Variants in CHD4 observed in about 807,000 individuals in gnomAD.
The protein encoded by CHD4 is chromodomain helicase DNA binding protein 4.
A neutral mutation model predicts 235.5 loss-of-function variants in CHD4; 35 were observed. The observed-to-expected ratio is 0.15, with a 90% CI of 0.11 to 0.20. The LOEUF (loss-of-function observed/expected upper bound fraction) is 0.20, where lower values mean the gene tolerates loss of function less well. Among genes scored for constraint, CHD4 ranks in the 10% least tolerant of loss-of-function variants. The probability of loss-of-function intolerance (pLI) is 1.00; values close to 1 mark genes in which losing one functional copy is unlikely to be tolerated. For missense variants in CHD4, 1,329 were observed against 2,432.3 expected, an observed-to-expected ratio of 0.55 and a Z score of 9.54; for synonymous variants, 900 against 850.2, an observed-to-expected ratio of 1.06 and a Z score of -1.02.
chr12:6,584,935 C>T (rs1260518376), intron 25 of CHD4, among the ~76,000 whole-genome samples: 3 of 152,292 alleles, frequency 2.0e-5, no homozygotes, highest in East Asian at 3.9e-4. Flanking sequence ...GTACACAGAC[C>T]TATGTCAGAC....
rs1005655157 is a variant in CHD4, at chr12:6,607,322, C to A, written c.-101G>T. The A allele has an allele frequency of 2.0e-5, 3 of 151,990 alleles. No individual in the cohort carries two copies. Among genetic ancestry groups the A allele is most frequent in the African/African-American group, 7.3e-5 (3 of 41,340 alleles). 9.4% of individuals were successfully genotyped at this position (151,990 alleles called of 1,614,324 possible). ...CACCCCGGAGCCGCCGCAGGTCGCG[C>A]TGGGTCCGGCTCGGTGTCACTCCCG... is the stretch of plus-strand genomic sequence containing the variant. On this transcript the variant is annotated 5_prime_UTR_variant, in exon 1 of 40. Coordinates refer to ENST00000544040, the MANE Select transcript of CHD4 (RefSeq NM_001273.5).
intron 12 of CHD4, 44 bp downstream of exon 12, chr12:6,597,850 C>G: frequency 6.5e-7 from 1 of 1,546,986 alleles, no homozygotes; most frequent in Middle Eastern, 1.8e-4. Flanking sequence ...TTTAGCAGGA[C>G]TCTCCCACGG....
rs1478604948 is a variant in CHD4 at position 6,593,512 on chromosome 12, A to G, written c.2418T>C (p.Tyr806=). The G allele has an allele frequency of 1.1e-5, 17 of 1,613,992 alleles. No individual in the cohort carries two copies. The highest frequency in any genetic ancestry group is 1.4e-5 in the Non-Finnish European group (16 of 1,180,018). ...MWAPDMYVVT[Y]VGDKDSRAII... is the part of the protein sequence containing the mutation. ...TGGCACGGCTGTCCTTGTCACCCACATAGGTTACGACATACATGTCTGGAG... is the reference window on the plus strand; with the variant it reads ...TGGCACGGCTGTCCTTGTCACCCACGTAGGTTACGACATACATGTCTGGAG... The change falls in exon 16 of 40, where the codon TAT becomes TAC. Residue 806 remains tyrosine, a synonymous_variant. Transcript: ENST00000544040. This position sits in a 1 kb window ranked among gnomAD's most constrained non-coding sequence, Gnocchi z 4.9.
chr12:6,603,632 A>C (rs1948637196), intron 2 of CHD4, among the ~76,000 whole-genome samples: 1 of 151,938 alleles, frequency 6.6e-6, no homozygotes, highest in Non-Finnish European at 1.5e-5. Flanking sequence ...AATGCCACCT[A>C]CTCTGGGATG....
In CHD4 at chr12:6,578,435, A is replaced by T; in HGVS notation, c.5093T>A (p.Phe1698Tyr). The change falls in exon 35 of 40, where the codon TTT (phenylalanine) becomes TAT (tyrosine). Residue 1698 changes from phenylalanine to tyrosine, a missense_variant. Physicochemically the swap from Phe to Tyr is conservative, Grantham distance 22. Around this residue, in one of 26 missense-constraint regions of CHD4, gnomAD observed 135 missense variants for 282.3 expected, o/e 0.48. Coordinates refer to ENST00000544040, the MANE Select transcript of CHD4 (RefSeq NM_001273.5). ...QKKNIKQRFM[F>Y]NIADGGFTEL... ...AGTAAAACCACCATCTGCAATGTTA[A>T]ACATGAAACGTTGTTTAATATTTTT... The T allele has an allele frequency of 3.1e-6, 5 of 1,614,088 alleles. No homozygotes were observed. The highest frequency in any genetic ancestry group is 4.2e-6 in the Non-Finnish European group (5 of 1,180,018).
Position 6,573,109 on chromosome 12 carries a change from G to A in CHD4, c.5522C>T (p.Ala1841Val). The A allele has an allele frequency of 6.2e-7, 1 of 1,610,432 alleles. No homozygotes were observed. Among genetic ancestry groups the A allele is most frequent in the Non-Finnish European group, 8.5e-7 (1 of 1,178,540 alleles). ...SHQHLSKESM[A>V]GNKPANAVLH... ...GACTGCATTGGCTGGCTTGTTTCCT[G>A]CCATTGACTCCTTGGACAGGTGCTG... The change falls in exon 38 of 40, where the codon GCA becomes GTA. Residue 1841 changes from alanine to valine, a missense_variant. Ala to Val is a moderately conservative substitution (Grantham distance 64, BLOSUM62 0). Transcript: ENST00000544040.
Position 6,570,156 on chromosome 12 carries a change from CCTT to C in CHD4, c.*517_*519del, listed in dbSNP as rs1340563175. ...TGGTTTTTTATGCTTTTGGTTTTTT[CCTT>C]TTTTTTTTTTTCCACTTTATTTCAT... On this transcript the variant is annotated 3_prime_UTR_variant, in exon 40 of 40. Coordinates refer to ENST00000544040, the MANE Select transcript of CHD4 (RefSeq NM_001273.5). 1 of 150,080 alleles carries C rather than the reference CCTT, an allele frequency of 6.7e-6. No individual in the cohort carries two copies. Among genetic ancestry groups the C allele is most frequent in the Non-Finnish European group, 1.5e-5 (1 of 67,960 alleles). The allele number at this position is 150,080 out of a possible 1,614,324, so 9.3% of individuals were successfully genotyped here.
Position 6,592,681 on chromosome 12 carries a change from T to TA in CHD4, c.2774+14dup. The stretch of plus-strand genomic sequence containing the variant: ...GGCACAATTATGAGCCGATTACAGA[T>TA]AAACACATACTTACTGGAACCTCTC... On this transcript the variant is annotated intron_variant, in intron 18 of 39. Transcript: ENST00000544040. The TA allele has an allele frequency of 1.2e-6, 2 of 1,611,426 alleles. No individual in the cohort carries two copies. The highest frequency in any genetic ancestry group is 1.1e-5 in the South Asian group (1 of 90,956).
rs190658916 is a variant in CHD4 at position 6,601,863 on chromosome 12, G to A, written c.438+97C>T. On this transcript the variant is annotated intron_variant, in intron 4 of 39. Transcript: ENST00000544040. ...AAAATCAGAGTAACAGAGTTAAGAG[G>A]AAAAGAAGAGAAAGTGTTCTAAAGG... 4.0e-5 allele frequency: 62 copies of A among 1,560,938 alleles called. No homozygotes were observed. In the African/African-American group the frequency reaches 6.0e-4, roughly 15 times the overall value.
intron 33 of CHD4, chr12:6,580,219 T>TC (rs781169311): frequency 4.0e-5 from 6 of 148,760 alleles, no homozygotes; most frequent in Non-Finnish European, 7.4e-5. Context: ...AGAGTGAGAC[T>TC]CCATCTCGAA....
At chr12:6,584,325 C>T (rs1044585492) in intron 25 of CHD4, 1 of 152,012 alleles carries the variant, frequency 6.6e-6, no homozygotes, top group African/African-American at 2.4e-5. Context: ...GAACTGAAAA[C>T]ATTAGTTGTC....
chr12:6,602,411 G>A lies in CHD4; in HGVS notation c.187C>T (p.Pro63Ser). The change falls in exon 3 of 40, where the codon CCT becomes TCT. Residue 63 changes from proline to serine, a missense_variant. This residue lies in a region of CHD4 where 213 missense variants were observed against 177.5 expected (regional missense o/e 1.20). Transcript: ENST00000544040. Reference sequence around the variant, plus strand: ...TGGCGCTTGCTCTTAGGGATTTTAGGGTCCCGAGGTTTCTTAGGCTTTTTC... The same window carrying A: ...TGGCGCTTGCTCTTAGGGATTTTAGAGTCCCGAGGTTTCTTAGGCTTTTTC... Reference protein sequence around the residue: ...KKKKPKKPRDPKIPKSKRQKK... With the variant: ...KKKKPKKPRDSKIPKSKRQKK... The A allele has an allele frequency of 1.2e-6, 2 of 1,614,020 alleles. No individual in the cohort carries two copies. Among genetic ancestry groups the A allele is most frequent in the South Asian group, 1.1e-5 (1 of 91,074 alleles).
Position 6,606,218 on chromosome 12 carries a change from C to T in CHD4, c.100+56G>A, listed in dbSNP as rs139897273. The T allele has an allele frequency of 6.0e-4, 732 of 1,221,680 alleles. 5 individuals are homozygous for T. The African/African-American group carries it at 7.8e-3, about 13-fold the overall frequency. 75.7% of individuals were successfully genotyped at this position (1,221,680 alleles called of 1,614,324 possible). ...CAGCCCTGCCTCACCAGAGGAGTCA[C>T]TCGGGAGAGCCCCAGATGTCTCCTT... is the stretch of plus-strand genomic sequence containing the variant. On this transcript the variant is annotated intron_variant, in intron 2 of 39. Transcript: ENST00000544040.
At chr12:6,577,553 G>A (rs1292975277) in intron 37 of CHD4, among the ~76,000 whole-genome samples, 2 of 151,778 alleles carry the variant, frequency 1.3e-5, no homozygotes, top group African/African-American at 4.8e-5. Flanking sequence ...AAACCCCTCT[G>A]CACTAGTGTG....
At chr12:6,604,982 G>A (rs1293824558) in intron 2 of CHD4, among the ~76,000 whole-genome samples, 2 of 152,008 alleles carry the variant, frequency 1.3e-5, no homozygotes, top group Admixed American at 6.6e-5. Flanking sequence ...CCTCACCTTG[G>A]GCAAGGGCAT....
Position 6,570,238 on chromosome 12 carries a change from C to G in CHD4, c.*438G>C, listed in dbSNP as rs1443081176. The G allele has an allele frequency of 1.2e-5, 2 of 165,732 alleles. No homozygotes were observed. Among genetic ancestry groups the G allele is most frequent in the Non-Finnish European group, 2.6e-5 (2 of 77,716 alleles). 10.3% of individuals were successfully genotyped at this position (165,732 alleles called of 1,614,324 possible). On this transcript the variant is annotated 3_prime_UTR_variant, in exon 40 of 40. Transcript: ENST00000544040. ...GTTCCTGGTATTAAAAAGATGCCAACAGAGGTAGCTGTGTCTCGCCCAGGG... is the reference window on the plus strand; with the variant it reads ...GTTCCTGGTATTAAAAAGATGCCAAGAGAGGTAGCTGTGTCTCGCCCAGGG...
At chr12:6,595,785 T>C (rs1397418053) in intron 13 of CHD4, among the ~76,000 whole-genome samples, 3 of 120,608 alleles carry the variant, frequency 2.5e-5, no homozygotes, top group Admixed American at 1.6e-4. Flanking sequence ...CAAGACTTCG[T>C]CTCAAAAAAA....
intron 15 of CHD4, among the ~76,000 whole-genome samples, chr12:6,594,138 CCTTTCCA>C (rs1250885603): frequency 3.9e-5 from 6 of 151,974 alleles, no homozygotes; most frequent in African/African-American, 1.4e-4. Flanking sequence ...TCCAGCCAAG[CCTTTCCA>C]TACTAATTCT....
intron 2 of CHD4, 74 bp downstream of exon 2, chr12:6,606,200 G>A (rs1054964813): frequency 8.9e-6 from 9 of 1,008,578 alleles, no homozygotes; most frequent in Non-Finnish European, 1.3e-5. Flanking sequence ...ACACAGCCCT[G>A]CCTCACCAGA....
Sources: allele counts gnomAD v4.1 joint callset (sites outside exome capture counted in the v4.1 genomes callset), GRCh38; gene constraint gnomAD v4.1.1; regional missense constraint gnomAD v4.1.1; non-coding constraint Gnocchi (gnomAD v3.1); transcripts MANE v1.5; gene names NCBI Gene and HGNC (gene_info 2026-07-23, HGNC 2026-07-21).